ADAM12: variants seen among roughly 807,000 people sequenced by gnomAD.
ADAM12 encodes ADAM metallopeptidase domain 12.
In ADAM12, 70 loss-of-function variants were observed where a neutral mutation model predicts 106.4. That is an observed-to-expected ratio of 0.66 (90% CI 0.54 to 0.80). The LOEUF (loss-of-function observed/expected upper bound fraction) is 0.80, where lower values mean the gene tolerates loss of function less well. ADAM12 is among the 30% of genes least tolerant of loss of function. The pLI is 0.00. For synonymous variants in ADAM12, 420 were observed against 433.5 expected, an observed-to-expected ratio of 0.97 and a Z score of 0.39; for missense variants, 1,010 against 1,171.9, an observed-to-expected ratio of 0.86 and a Z score of 2.02.
chr10:126,248,677 GTATGTATGTATTTATTTATTTATT>G (rs1363067189), intron 3 of ADAM12, among the ~76,000 whole-genome samples: 29 of 31,640 alleles, frequency 9.2e-4, no homozygotes, highest in African/African-American at 4.8e-3. Context: ...ATGTATGTAT[GTATGTATGTATTTATTTATTTATT>G]TATTTATTTA....
intron 9 of ADAM12, 104 bp from the exon 10 acceptor site, chr10:126,098,604 T>A (rs1955600971): frequency 1.0e-6 from 1 of 974,040 alleles, no homozygotes; most frequent in Non-Finnish European, 1.6e-6. Flanking sequence ...TACGCAAAAA[T>A]AAAAATAGCT....
At chr10:126,181,096 C>G (rs1200104085) in intron 3 of ADAM12, among the ~76,000 whole-genome samples, 5 of 144,802 alleles carry the variant, frequency 3.5e-5, no homozygotes, top group African/African-American at 1.1e-4. Context: ...TTTTGAGACA[C>G]AGTCTCCCTC....
intron 22 of ADAM12, among the ~76,000 whole-genome samples, chr10:126,019,032 A>G (rs7069078): frequency 0.58 from 88,867 of 151,988 alleles, 27,433 homozygotes; most frequent in Non-Finnish European, 0.68. Context: ...TTGAAGGTGG[A>G]GCCTTGTGGG....
chr10:126,199,932 A>G (rs1365285175), intron 3 of ADAM12, among the ~76,000 whole-genome samples: 1 of 152,188 alleles, frequency 6.6e-6, no homozygotes, highest in Non-Finnish European at 1.5e-5. Flanking sequence ...ACAAAAACAA[A>G]AGCCCACTGG....
At chr10:126,294,192 T>G (rs1050020603) in intron 2 of ADAM12, among the ~76,000 whole-genome samples, 12 of 152,192 alleles carry the variant, frequency 7.9e-5, no homozygotes, top group African/African-American at 2.9e-4. Context: ...TGAGAGTCAA[T>G]CTTGATTTTT....
chr10:126,180,436 C>G (rs972317512), intron 3 of ADAM12, among the ~76,000 whole-genome samples: 3 of 152,140 alleles, frequency 2.0e-5, no homozygotes, highest in Non-Finnish European at 4.4e-5. Flanking sequence ...CATGTGATCT[C>G]TGTACGTGGG....
chr10:126,331,546 G>C (rs1296241626), intron 1 of ADAM12, among the ~76,000 whole-genome samples: 1 of 152,138 alleles, frequency 6.6e-6, no homozygotes, highest in Non-Finnish European at 1.5e-5. Context: ...GGTTACCAAA[G>C]GATTACTACT....
chr10:126,319,614 G>A (rs1854026457), intron 2 of ADAM12, among the ~76,000 whole-genome samples: 1 of 152,108 alleles, frequency 6.6e-6, no homozygotes, highest in Admixed American at 6.5e-5. Context: ...ACACGACACT[G>A]AACACGATAT....
intron 3 of ADAM12, among the ~76,000 whole-genome samples, chr10:126,160,548 G>A (rs1035385252): frequency 1.4e-4 from 21 of 152,144 alleles, no homozygotes; most frequent in African/African-American, 4.6e-4. Context: ...CTCCCTTCCA[G>A]GAATCTGTGC....
chr10:126,135,104 C>A (rs1377068330), intron 5 of ADAM12, among the ~76,000 whole-genome samples: 2 of 152,222 alleles, frequency 1.3e-5, no homozygotes, highest in Non-Finnish European at 2.9e-5. Context: ...TAGTAGCAAA[C>A]CCCCTACCAA....
rs2133364375 is a variant in ADAM12 at position 126,013,928 on chromosome 10, G to A, written c.*3351C>T. 6.6e-6 allele frequency: 1 copy of A among 152,612 alleles called. No homozygotes were observed. The highest frequency in any genetic ancestry group is 2.4e-5 in the African/African-American group (1 of 41,588). The allele number at this position is 152,612 out of a possible 1,614,324, so 9.5% of individuals were successfully genotyped here. A position where few individuals can be genotyped will look rare whatever the true frequency, so the allele number is the denominator to read the frequency against. ...AGCACTAGTGTTGGGAGACTTCTGG[G>A]AGGGATTGTGACTTTCAGCTGGGTA... On this transcript the variant is annotated 3_prime_UTR_variant, in exon 23 of 23. Coordinates refer to ENST00000448723, the MANE Select transcript of ADAM12 (RefSeq NM_001288973.2). The surrounding 1 kb of genome is among the most constrained non-coding windows in gnomAD (Gnocchi z 4.3).
At chr10:126,218,827 A>T (rs184664914) in intron 3 of ADAM12, among the ~76,000 whole-genome samples, 6 of 152,316 alleles carry the variant, frequency 3.9e-5, no homozygotes, top group African/African-American at 9.6e-5. Context: ...CAGCTGCCAA[A>T]TTAGGATCTG....
At chr10:126,341,867 T>A (rs1854943381) in intron 1 of ADAM12, among the ~76,000 whole-genome samples, 1 of 152,220 alleles carries the variant, frequency 6.6e-6, no homozygotes, top group South Asian at 2.1e-4. Flanking sequence ...TTTTGAAGGT[T>A]AACTCTTAAA....
At chr10:126,022,074 T>G (rs1590294982) in intron 21 of ADAM12, among the ~76,000 whole-genome samples, 1 of 152,168 alleles carries the variant, frequency 6.6e-6, no homozygotes, top group African/African-American at 2.4e-5. Context: ...TAACGTCAGG[T>G]TTTTATTGCA....
At chr10:126,176,363 G>A (rs1322469693) in intron 3 of ADAM12, among the ~76,000 whole-genome samples, 2 of 152,200 alleles carry the variant, frequency 1.3e-5, no homozygotes, top group African/African-American at 4.8e-5. Flanking sequence ...GATCCTTCAG[G>A]GTGGGATGCG....
chr10:126,164,124 A>G (rs1956983960), intron 3 of ADAM12, among the ~76,000 whole-genome samples: 1 of 152,252 alleles, frequency 6.6e-6, no homozygotes, highest in Non-Finnish European at 1.5e-5. Context: ...AAAGAAAAGT[A>G]AGAGATTGGC....
intron 1 of ADAM12, among the ~76,000 whole-genome samples, chr10:126,382,182 G>A (rs1314638073): frequency 6.6e-6 from 1 of 152,074 alleles, no homozygotes; most frequent in Non-Finnish European, 1.5e-5. Context: ...ACTGGAACAG[G>A]GGGCACTGTA....
intron 11 of ADAM12, among the ~76,000 whole-genome samples, chr10:126,079,026 C>T (rs369987507): frequency 6.6e-6 from 1 of 152,080 alleles, no homozygotes; most frequent in South Asian, 2.1e-4. Context: ...AAGTGTGCTC[C>T]CAGGACAAGC....
At chr10:126,051,576 TCCATCCATCCATCCAG>T (rs1217925773) in intron 14 of ADAM12, among the ~76,000 whole-genome samples, 2 of 84,582 alleles carry the variant, frequency 2.4e-5, no homozygotes, top group Non-Finnish European at 4.5e-5. Flanking sequence ...CATCCATCCA[TCCATCCATCCATCCAG>T]CCAGCCAGCC....
Sources: allele counts gnomAD v4.1 joint callset (sites outside exome capture counted in the v4.1 genomes callset), GRCh38; gene constraint gnomAD v4.1.1; non-coding constraint Gnocchi (gnomAD v3.1); transcripts MANE v1.5; gene names NCBI Gene and HGNC (gene_info 2026-07-23, HGNC 2026-07-21).